ADGB: variants seen among roughly 807,000 people sequenced by gnomAD.
The protein encoded by ADGB is androglobin, also known as calpain-7-like protein.
Under a neutral mutation model 210.5 loss-of-function variants are expected in ADGB, and 172 were observed. The ratio of observed to expected loss-of-function variants is 0.82; its 90% CI spans 0.72 to 0.93. The LOEUF (loss-of-function observed/expected upper bound fraction) is 0.93. Among genes scored for constraint, ADGB ranks in the 40% least tolerant of loss-of-function variants. The pLI, the probability that ADGB is intolerant of heterozygous loss-of-function variation, is 0.00. For missense variants in ADGB, 2,025 were observed against 1,964.8 expected, an observed-to-expected ratio of 1.03 and a Z score of -0.58; for synonymous variants, 658 against 662.7, an observed-to-expected ratio of 0.99 and a Z score of 0.11.
At chr6:146,704,827 A>T (rs1435507476) in intron 13 of ADGB, among the ~76,000 whole-genome samples, 1 of 152,006 alleles carries the variant, frequency 6.6e-6, no homozygotes, top group Non-Finnish European at 1.5e-5. Flanking sequence ...GAATGTTGGT[A>T]GATTACATTG....
At chr6:146,738,938 C>T (rs1457332195) in intron 23 of ADGB, among the ~76,000 whole-genome samples, 2 of 152,108 alleles carry the variant, frequency 1.3e-5, no homozygotes, top group African/African-American at 2.4e-5. Context: ...ATGAGGGCAT[C>T]GTATCAGATA....
intron 33 of ADGB, among the ~76,000 whole-genome samples, chr6:146,800,280 C>A (rs897669924): frequency 2.0e-5 from 3 of 152,004 alleles, no homozygotes; most frequent in Non-Finnish European, 4.4e-5. Context: ...CCCAGTAATC[C>A]ACTCCTACTT....
intron 9 of ADGB, among the ~76,000 whole-genome samples, chr6:146,679,631 A>G (rs939860036): frequency 6.6e-6 from 1 of 152,234 alleles, no homozygotes. Flanking sequence ...TATAAAGTGT[A>G]AAGTGGGTTC....
At position 146,655,017 on chromosome 6, in the gene ADGB, TTGTATTTTTAGATTC is replaced by T. The variant is rs1297180016; in HGVS notation, c.402+812_402+826del. 2.0e-5 allele frequency among the ~76,000 whole-genome samples: 3 copies of T among 152,156 alleles called. No individual in the cohort carries two copies. In the East Asian group the frequency reaches 5.8e-4, roughly 29 times the overall value. On this transcript the variant is annotated intron_variant, in intron 4 of 35. Transcript: ENST00000397944. The stretch of plus-strand genomic sequence containing the variant: ...GTTTCTCTATCTGTTTCTCAGACTT[TTGTATTTTTAGATTC>T]CACATATATGTGAAATCATGCAGTT...
intron 12 of ADGB, among the ~76,000 whole-genome samples, chr6:146,700,365 A>G (rs1242219935): frequency 6.6e-6 from 1 of 152,204 alleles, no homozygotes; most frequent in Non-Finnish European, 1.5e-5. Flanking sequence ...AAAAATATCC[A>G]AGTTGATGAA....
chr6:146,803,375 A>C, intron 35 of ADGB: 1 of 1,607,762 alleles, frequency 6.2e-7, no homozygotes, highest in Non-Finnish European at 8.5e-7. Context: ...GTAATTTTTC[A>C]GTCTGGTGGC....
chr6:146,654,571 T>C (rs958272835), intron 4 of ADGB, among the ~76,000 whole-genome samples: 2 of 152,068 alleles, frequency 1.3e-5, no homozygotes, highest in Non-Finnish European at 1.5e-5. Flanking sequence ...CAGGCTGGTC[T>C]TGAACTCCTG....
chr6:146,734,416 AT>A (rs1464669374), intron 22 of ADGB, among the ~76,000 whole-genome samples: 1 of 152,184 alleles, frequency 6.6e-6, no homozygotes, highest in Admixed American at 6.5e-5. Flanking sequence ...ATATTTTCAC[AT>A]TTCCAGATGA....
chr6:146,645,388 T>G (rs928145966), intron 3 of ADGB, among the ~76,000 whole-genome samples: 10 of 152,062 alleles, frequency 6.6e-5, no homozygotes, highest in African/African-American at 2.2e-4. Context: ...CTTTCATTTT[T>G]AAATAGCACT....
At chr6:146,706,998 T>G (rs1776583399) in intron 13 of ADGB, among the ~76,000 whole-genome samples, 1 of 152,086 alleles carries the variant, frequency 6.6e-6, no homozygotes, top group Non-Finnish European at 1.5e-5. Flanking sequence ...TCTTTAAATT[T>G]CCCTCTTAGA....
intron 35 of ADGB, chr6:146,802,985 C>T (rs1583646971): frequency 4.4e-6 from 7 of 1,609,038 alleles, no homozygotes; most frequent in East Asian, 2.2e-5. Flanking sequence ...CTGCTTGAAG[C>T]CAGTTTAAAC....
Position 146,801,293 on chromosome 6 carries a change from A to T in ADGB, c.4634+14A>T. The T allele has an allele frequency of 7.3e-7, 1 of 1,369,224 alleles. No individual in the cohort carries two copies. Among genetic ancestry groups the T allele is most frequent in the Non-Finnish European group, 9.8e-7 (1 of 1,016,484 alleles). The allele number at this position is 1,369,224 out of a possible 1,614,324, so 84.8% of individuals were successfully genotyped here. A position where few individuals can be genotyped will look rare whatever the true frequency, so the allele number is the denominator to read the frequency against. On this transcript the variant is annotated intron_variant, in intron 34 of 35. Coordinates refer to ENST00000397944, the MANE Select transcript of ADGB (RefSeq NM_024694.4). ...TCAATATGTTCGGTAAGTTTTCATAAACATGATTGATGCAGACAACTGTGT... is the reference window on the plus strand; with the variant it reads ...TCAATATGTTCGGTAAGTTTTCATATACATGATTGATGCAGACAACTGTGT...
At chr6:146,623,627 T>C (rs1780931114) in intron 1 of ADGB, among the ~76,000 whole-genome samples, 1 of 151,966 alleles carries the variant, frequency 6.6e-6, no homozygotes, top group South Asian at 2.1e-4. Context: ...TACAATCATG[T>C]CATCTGCAAA....
At chr6:146,764,594 T>A (rs1777546622) in intron 28 of ADGB, among the ~76,000 whole-genome samples, 1 of 151,796 alleles carries the variant, frequency 6.6e-6, no homozygotes, top group Non-Finnish European at 1.5e-5. Context: ...GAAAAGAAAA[T>A]GCCAGAAATA....
chr6:146,759,983 G>C (rs1280526965), intron 27 of ADGB, among the ~76,000 whole-genome samples: 2 of 151,768 alleles, frequency 1.3e-5, no homozygotes, highest in East Asian at 3.9e-4. Flanking sequence ...CTGATTTGTA[G>C]AGTCTCATAC....
rs1778313490 is a variant in ADGB, at chr6:146,812,250, T to A, written c.4819-2782T>A. Among the ~76,000 whole-genome samples the A allele has an allele frequency of 2.0e-5, 3 of 152,210 alleles. No homozygotes were observed. The South Asian group carries it at 6.2e-4, about 31-fold the overall frequency. On this transcript the variant is annotated intron_variant, in intron 35 of 35. Transcript: ENST00000397944. ...GCAGGTTCATATAAATGACAAAGAA[T>A]CTAAAGGAACTCTCCCAGCTTTATG...
intron 20 of ADGB, among the ~76,000 whole-genome samples, chr6:146,732,596 A>G (rs981248148): frequency 1.3e-5 from 2 of 151,492 alleles, no homozygotes; most frequent in African/African-American, 4.9e-5. Flanking sequence ...AAAAATCTCC[A>G]TTTTATACTT....
At chr6:146,731,001 T>C (rs1927217) in intron 20 of ADGB, among the ~76,000 whole-genome samples, 3 of 151,930 alleles carry the variant, frequency 2.0e-5, no homozygotes, top group African/African-American at 7.3e-5. Flanking sequence ...CAGAGAGAGA[T>C]AACTTATCAT....
chr6:146,643,627 C>T (rs952144719), intron 2 of ADGB, among the ~76,000 whole-genome samples: 1 of 151,592 alleles, frequency 6.6e-6, no homozygotes, highest in Non-Finnish European at 1.5e-5. Context: ...ACTAACTGAC[C>T]CATAATAAGA....
Sources: allele counts gnomAD v4.1 joint callset (sites outside exome capture counted in the v4.1 genomes callset), GRCh38; gene constraint gnomAD v4.1.1; transcripts MANE v1.5; gene names NCBI Gene and HGNC (gene_info 2026-07-23, HGNC 2026-07-21).